HECW2: variants seen among roughly 807,000 people sequenced by gnomAD.
The protein encoded by HECW2 is HECT, C2 and WW domain containing E3 ubiquitin protein ligase 2, also known as E3 ubiquitin-protein ligase HECW2.
HECW2 carries 61 observed loss-of-function variants against 175.2 expected under a neutral mutation model. The ratio of observed to expected loss-of-function variants is 0.35; its 90% CI spans 0.28 to 0.43. The LOEUF (loss-of-function observed/expected upper bound fraction) is 0.43. Among genes scored for constraint, HECW2 ranks in the 20% least tolerant of loss-of-function variants. The probability of loss-of-function intolerance (pLI) is 1.00; values close to 1 mark genes in which losing one functional copy is unlikely to be tolerated. For synonymous variants in HECW2, 671 were observed against 731.0 expected, an observed-to-expected ratio of 0.92 and a Z score of 1.32; for missense variants, 1,524 against 2,000.5, an observed-to-expected ratio of 0.76 and a Z score of 4.54.
At chr2:196,372,273 T>C (rs1446149059) in intron 2 of HECW2, among the ~76,000 whole-genome samples, 1 of 152,242 alleles carries the variant, frequency 6.6e-6, no homozygotes. Context: ...CATAAATACA[T>C]GGGACACGGA....
At chr2:196,305,548 T>C (rs1421046837) in intron 13 of HECW2, among the ~76,000 whole-genome samples, 1 of 152,248 alleles carries the variant, frequency 6.6e-6, no homozygotes, top group African/African-American at 2.4e-5. Context: ...TCTGAAAGTG[T>C]AGGATATGTC....
At chr2:196,211,577 C>T (rs971961545) in intron 28 of HECW2, among the ~76,000 whole-genome samples, 1 of 152,158 alleles carries the variant, frequency 6.6e-6, no homozygotes, top group Non-Finnish European at 1.5e-5. Context: ...ACCATATATA[C>T]TTTTATATAC....
intron 1 of HECW2, among the ~76,000 whole-genome samples, chr2:196,437,488 T>C (rs1575541712): frequency 6.6e-6 from 1 of 151,730 alleles, no homozygotes; most frequent in African/African-American, 2.4e-5. Context: ...GGAACATGCC[T>C]GTAATCCCAG....
chr2:196,313,713 G>A (rs879880307), intron 10 of HECW2, among the ~76,000 whole-genome samples: 1 of 152,156 alleles, frequency 6.6e-6, no homozygotes, highest in Non-Finnish European at 1.5e-5. Flanking sequence ...TGATGAAAAG[G>A]TGCTAAAATA....
intron 1 of HECW2, among the ~76,000 whole-genome samples, chr2:196,443,504 G>T (rs1696096946): frequency 6.6e-6 from 1 of 152,136 alleles, no homozygotes; most frequent in Non-Finnish European, 1.5e-5. Flanking sequence ...TAAAATGTTA[G>T]TCAATTAAGA....
chr2:196,312,012 G>A (rs757684989), intron 10 of HECW2, among the ~76,000 whole-genome samples: 1 of 152,208 alleles, frequency 6.6e-6, no homozygotes, highest in Non-Finnish European at 1.5e-5. Flanking sequence ...CAGGTAGAAC[G>A]TAAGGTCTTC....
intron 1 of HECW2, among the ~76,000 whole-genome samples, chr2:196,511,433 C>T (rs1254861056): frequency 6.6e-6 from 1 of 152,186 alleles, no homozygotes; most frequent in African/African-American, 2.4e-5. Context: ...ACAACCTACC[C>T]TCAAGCCTAC....
chr2:196,294,104 A>G (rs536075509), intron 13 of HECW2, among the ~76,000 whole-genome samples: 20 of 152,322 alleles, frequency 1.3e-4, no homozygotes, highest in Non-Finnish European at 2.8e-4. Flanking sequence ...AAACTCCACT[A>G]TACCACCACA....
intron 14 of HECW2, among the ~76,000 whole-genome samples, chr2:196,279,059 T>G (rs1575346892): frequency 1.3e-5 from 2 of 152,156 alleles, no homozygotes; most frequent in African/African-American, 4.8e-5. Flanking sequence ...AAAAAAATTT[T>G]TTTTTTTGAG....
chr2:196,250,404 T>A (rs1361335421), intron 19 of HECW2, among the ~76,000 whole-genome samples: 1 of 152,222 alleles, frequency 6.6e-6, no homozygotes, highest in African/African-American at 2.4e-5. Flanking sequence ...AAGCGACACA[T>A]TAACCTTTAT....
chr2:196,343,948 G>T (rs1180961000), intron 2 of HECW2, among the ~76,000 whole-genome samples, 184 bp from the exon 3 acceptor site: 1 of 152,170 alleles, frequency 6.6e-6, no homozygotes, highest in Non-Finnish European at 1.5e-5. Flanking sequence ...TTATGTGGGA[G>T]AAAGAAGGCT....
At chr2:196,479,737 C>A (rs1686781466) in intron 1 of HECW2, among the ~76,000 whole-genome samples, 2 of 152,232 alleles carry the variant, frequency 1.3e-5, no homozygotes, top group South Asian at 4.2e-4. Context: ...ATAATAGAAC[C>A]CTGACCCAAG....
chr2:196,236,968 T>C (rs1022425151), intron 21 of HECW2, among the ~76,000 whole-genome samples: 2 of 152,060 alleles, frequency 1.3e-5, no homozygotes, highest in Non-Finnish European at 2.9e-5. Flanking sequence ...GAGTAGAGAG[T>C]TATGCTGATT....
intron 2 of HECW2, among the ~76,000 whole-genome samples, chr2:196,429,042 G>T (rs180925143): frequency 1.3e-5 from 2 of 152,244 alleles, no homozygotes; most frequent in East Asian, 3.9e-4. Flanking sequence ...TCAAGAAATC[G>T]TGTCTTTTCA....
At chr2:196,209,758 T>C (rs1360207211) in intron 28 of HECW2, among the ~76,000 whole-genome samples, 2 of 139,312 alleles carry the variant, frequency 1.4e-5, no homozygotes, top group Non-Finnish European at 3.0e-5. Context: ...TTTTTCTTTC[T>C]TTCTTTCTTT....
At chr2:196,268,318 A>G (rs1358430954) in intron 17 of HECW2, among the ~76,000 whole-genome samples, 1 of 152,238 alleles carries the variant, frequency 6.6e-6, no homozygotes, top group Non-Finnish European at 1.5e-5. Flanking sequence ...AATATATTTC[A>G]TAGCCTATCA....
intron 28 of HECW2, among the ~76,000 whole-genome samples, chr2:196,211,845 CT>C (rs146332423): frequency 2.0e-5 from 3 of 151,420 alleles, no homozygotes; most frequent in Admixed American, 2.0e-4. Context: ...TTAGAGGATT[CT>C]TTTTTTTTCT....
At chr2:196,441,878 G>A (rs1696055192) in intron 1 of HECW2, among the ~76,000 whole-genome samples, 1 of 152,090 alleles carries the variant, frequency 6.6e-6, no homozygotes, top group Non-Finnish European at 1.5e-5. Context: ...CTCTTTCCAG[G>A]TGGAAAAGTC....
intron 17 of HECW2, among the ~76,000 whole-genome samples, chr2:196,265,729 T>G (rs1032546890): frequency 2.6e-5 from 4 of 152,198 alleles, no homozygotes; most frequent in Non-Finnish European, 5.9e-5. Flanking sequence ...TTACACAGTA[T>G]CAAATGGTTT....
Sources: gnomAD v4.1 joint callset for allele counts (sites outside exome capture counted in the v4.1 genomes callset) on GRCh38, gnomAD v4.1.1 for gene constraint, MANE v1.5 for transcripts, NCBI Gene and HGNC (gene_info 2026-07-23, HGNC 2026-07-21) for gene names.